The following SERINC5 variants were observed in gnomAD, a reference collection of about 807,000 sequenced individuals.
The protein encoded by SERINC5 is chromosome 5 open reading frame 12.
SERINC5 carries 41 observed loss-of-function variants against 63.1 expected under a neutral mutation model. That is an observed-to-expected ratio of 0.65 (90% CI 0.51 to 0.84). The LOEUF (loss-of-function observed/expected upper bound fraction) is 0.84. Among genes scored for constraint, SERINC5 ranks in the 40% least tolerant of loss-of-function variants. The pLI is 0.00. For synonymous variants in SERINC5, 222 were observed against 215.2 expected (o/e 1.03, Z -0.28); for missense variants, 523 against 573.0 (o/e 0.91, Z 0.89).
At chr5:80,239,946 G>A (rs1751878643) in intron 1 of SERINC5, among the ~76,000 whole-genome samples, 2 of 152,154 alleles carry the variant, frequency 1.3e-5, no homozygotes, top group South Asian at 4.1e-4. Context: ...AGTCAGTGGG[G>A]CCAGCTCTCT....
intron 2 of SERINC5, among the ~76,000 whole-genome samples, chr5:80,192,583 C>A (rs547766659): frequency 1.3e-5 from 2 of 152,294 alleles, no homozygotes; most frequent in East Asian, 3.9e-4. Context: ...ATAGCTCGAA[C>A]AGAAAACGTC....
intron 1 of SERINC5, among the ~76,000 whole-genome samples, chr5:80,208,277 C>G (rs1440967509): frequency 2.7e-5 from 4 of 150,860 alleles, no homozygotes; most frequent in Non-Finnish European, 4.4e-5. Flanking sequence ...GTGGGAGGAG[C>G]TGATAATGGG....
chr5:80,148,302 T>C lies in SERINC5; in HGVS notation c.1054-1018A>G, dbSNP rs565114760. On this transcript the variant is annotated intron_variant, in intron 9 of 11. Transcript: ENST00000507668. ...GCCTCCTGGGTTCAAGCAATTATCCTGCCTCAGCCTCCCAAGTAGCTGGGA... is the reference window on the plus strand; with the variant it reads ...GCCTCCTGGGTTCAAGCAATTATCCCGCCTCAGCCTCCCAAGTAGCTGGGA... Among the ~76,000 whole-genome samples, 752 of 149,706 alleles carry C rather than the reference T, an allele frequency of 5.0e-3. 8 individuals carry two copies. The highest frequency in any genetic ancestry group is 0.017 in the African/African-American group (705 of 40,542).
chr5:80,246,089 A>G (rs1483978027), intron 1 of SERINC5, among the ~76,000 whole-genome samples: 1 of 152,190 alleles, frequency 6.6e-6, no homozygotes, highest in African/African-American at 2.4e-5. Flanking sequence ...CTATTAGAGC[A>G]AACAGTTTCA....
chr5:80,237,321 AGAG>A (rs1751739772), intron 1 of SERINC5, among the ~76,000 whole-genome samples: 2 of 149,670 alleles, frequency 1.3e-5, no homozygotes, highest in Non-Finnish European at 3.0e-5. Context: ...AATGCTAAGA[AGAG>A]AAGAAGAGGG....
At chr5:80,238,103 C>CA (rs759062486) in intron 1 of SERINC5, among the ~76,000 whole-genome samples, 15,437 of 65,296 alleles carry the variant, frequency 0.24, 1,571 homozygotes, top group East Asian at 0.34. Context: ...GACTCTGTCT[C>CA]AAAAAAAAAA....
intron 1 of SERINC5, among the ~76,000 whole-genome samples, chr5:80,239,027 C>T (rs1206843428): frequency 6.6e-6 from 1 of 152,180 alleles, no homozygotes; most frequent in Non-Finnish European, 1.5e-5. Context: ...CTGCTGTGAG[C>T]TGACTAGCTG....
intron 1 of SERINC5, among the ~76,000 whole-genome samples, chr5:80,254,306 C>G (rs1357953412): frequency 3.3e-5 from 5 of 152,328 alleles, no homozygotes; most frequent in South Asian, 2.1e-4. Context: ...TGAGGCCCAC[C>G]ACAGTGATGC....
downstream of SERINC5, among the ~76,000 whole-genome samples, chr5:80,135,762 A>C (rs548544399): frequency 3.9e-5 from 6 of 151,902 alleles, no homozygotes; most frequent in South Asian, 8.3e-4. Flanking sequence ...GCAATGATAG[A>C]AGCATAGTTT....
intron 2 of SERINC5, among the ~76,000 whole-genome samples, chr5:80,184,945 C>T (rs978337389): frequency 1.4e-4 from 22 of 152,182 alleles, no homozygotes; most frequent in East Asian, 5.8e-4. Flanking sequence ...GGCGCAATCT[C>T]GGTTCACTGC....
At chr5:80,143,880 C>T (rs1377806795) in intron 11 of SERINC5, 70 bp from the exon 12 acceptor site, 17 of 1,491,930 alleles carry the variant, frequency 1.1e-5, no homozygotes, top group African/African-American at 1.4e-5. Flanking sequence ...TAATTCACAT[C>T]CATTTATAAT....
intron 1 of SERINC5, among the ~76,000 whole-genome samples, chr5:80,246,517 A>G (rs773072410): frequency 7.9e-5 from 12 of 152,316 alleles, no homozygotes; most frequent in Non-Finnish European, 1.6e-4. Context: ...CTGTCTAATC[A>G]CTATATACTG....
chr5:80,220,551 G>A (rs1750855884), intron 1 of SERINC5, among the ~76,000 whole-genome samples: 1 of 152,174 alleles, frequency 6.6e-6, no homozygotes, highest in Non-Finnish European at 1.5e-5. Context: ...AGGCTCCTTT[G>A]AAGATTCTGG....
At chr5:80,252,793 C>G (rs928420197) in intron 1 of SERINC5, among the ~76,000 whole-genome samples, 4 of 152,132 alleles carry the variant, frequency 2.6e-5, no homozygotes, top group African/African-American at 7.2e-5. Flanking sequence ...GTAACTCATC[C>G]AGTCACACCA....
intron 11 of SERINC5, among the ~76,000 whole-genome samples, chr5:80,123,118 C>T (rs775428401): frequency 3.3e-5 from 5 of 150,366 alleles, no homozygotes; most frequent in Admixed American, 6.6e-5. Flanking sequence ...TTCTTTGAGA[C>T]GGAGTCTCAC....
At chr5:80,180,501 G>C (rs1748348877) in intron 2 of SERINC5, among the ~76,000 whole-genome samples, 1 of 152,208 alleles carries the variant, frequency 6.6e-6, no homozygotes, top group Admixed American at 6.5e-5. Flanking sequence ...ATGAGAGACT[G>C]AGGCAAGAGT....
chr5:80,145,860 ATTAGCTAGGCATGGTGGT>A (rs1418177657), intron 11 of SERINC5, among the ~76,000 whole-genome samples: 1 of 152,198 alleles, frequency 6.6e-6, no homozygotes, highest in Non-Finnish European at 1.5e-5. Context: ...AAATATAAAA[ATTAGCTAGGCATGGTGGT>A]ACATGCATGT....
chr5:80,123,905 T>C (rs1313904687), intron 11 of SERINC5, among the ~76,000 whole-genome samples: 1 of 152,148 alleles, frequency 6.6e-6, no homozygotes, highest in Non-Finnish European at 1.5e-5. Context: ...TTCTAAAACA[T>C]CCTCCCTTTC....
rs992750205 is a variant in SERINC5 at position 80,139,416 on chromosome 5, G to A, written c.*4247C>T. On this transcript the variant is annotated 3_prime_UTR_variant, in exon 12 of 12. Transcript: ENST00000507668. ...AGTTCTTCCATCATTTTACTCATGT[G>A]AATATGATTAAACTCCTATAGAAGT... The A allele has an allele frequency of 1.0e-6, 1 of 984,144 alleles. No individual in the cohort carries two copies. Among genetic ancestry groups the A allele is most frequent in the Non-Finnish European group, 1.2e-6 (1 of 828,858 alleles). The allele number at this position is 984,144 out of a possible 1,614,324, so 61.0% of individuals were successfully genotyped here.
Sources: gnomAD v4.1 joint callset for allele counts (sites outside exome capture counted in the v4.1 genomes callset) on GRCh38, gnomAD v4.1.1 for gene constraint, MANE v1.5 for transcripts, NCBI Gene and HGNC (gene_info 2026-07-23, HGNC 2026-07-21) for gene names.